Variants in TFIP11 observed in about 807,000 individuals in gnomAD.
TFIP11 encodes the protein tuftelin-interacting protein 11.
In TFIP11, 86 loss-of-function variants were observed where a neutral mutation model predicts 96.8. The ratio of observed to expected loss-of-function variants is 0.89; its 90% CI spans 0.75 to 1.06. The LOEUF (loss-of-function observed/expected upper bound fraction) is 1.06. Ranked by LOEUF, TFIP11 falls within the 50% of genes least tolerant of loss-of-function variation. The pLI is 0.00. For synonymous variants in TFIP11, 405 were observed against 395.2 expected (o/e 1.02, Z -0.29); for missense variants, 881 against 1,076.7 (o/e 0.82, Z 2.54).
At position 26,504,237 on chromosome 22, in the gene TFIP11, A is replaced by G. The variant is rs563446946; in HGVS notation, c.521-444T>C. ...AGACTCCTCACATATTTTACTTAGG[A>G]GTTCCTATCTCCTGTGTTTAACTTT... On this transcript the variant is annotated intron_variant, in intron 6 of 14. Transcript: ENST00000407690. Among the ~76,000 whole-genome samples the G allele has an allele frequency of 4.6e-5, 7 of 152,352 alleles. No homozygotes were observed. In the South Asian group the frequency reaches 1.0e-3, roughly 23 times the overall value.
chr22:26,496,783 T>A lies in TFIP11; in HGVS notation c.1543A>T (p.Ile515Phe), dbSNP rs764680398. ...ATGTTATCTAAGATCCACACAGGAA[T>A]AATGTGCACCCAACTATCCAAAAAG... ...VDFLDSWVHIIPVWILDNILD... is the reference protein window; with the variant it reads ...VDFLDSWVHIFPVWILDNILD... The change falls in exon 11 of 15, where the codon ATT becomes TTT. Residue 515 changes from isoleucine to phenylalanine, a missense_variant. Physicochemically the swap from Ile to Phe is conservative, Grantham distance 21 (BLOSUM62 0). Coordinates refer to ENST00000407690, the MANE Select transcript of TFIP11 (RefSeq NM_012143.4). 68 of 1,614,068 alleles carry A rather than the reference T, an allele frequency of 4.2e-5. 1 individual carries two copies. The Admixed American group carries it at 1.1e-3, about 27-fold the overall frequency.
intron 12 of TFIP11, 51 bp downstream of exon 12, chr22:26,496,022 A>G (rs1314042308): frequency 2.5e-6 from 4 of 1,592,502 alleles, no homozygotes; most frequent in South Asian, 2.3e-5. Context: ...AACCACAGAA[A>G]CCAGGGCACC....
intron 4 of TFIP11, among the ~76,000 whole-genome samples, chr22:26,508,520 G>A (rs891786994): frequency 6.6e-6 from 1 of 152,144 alleles, no homozygotes; most frequent in Non-Finnish European, 1.5e-5. Flanking sequence ...GAGAAGTTTG[G>A]ACTAATCTCT....
chr22:26,497,151 C>A (rs1248390863), intron 10 of TFIP11, among the ~76,000 whole-genome samples: 1 of 152,166 alleles, frequency 6.6e-6, no homozygotes, highest in Non-Finnish European at 1.5e-5. Context: ...GTCACAAGGG[C>A]CTCTTCCCAG....
chr22:26,501,937 T>C lies in TFIP11; in HGVS notation c.764A>G (p.Lys255Arg). Residue 255 changes from lysine to arginine, a missense_variant, in exon 8 of 15, where the codon AAG becomes AGG. Lys to Arg is a conservative substitution (Grantham distance 26). Coordinates refer to ENST00000407690, the MANE Select transcript of TFIP11 (RefSeq NM_012143.4). ...ELKAKGRISK[K>R]LTAPQKELSQ... ...AAGTTCCTTCTGGGGAGCAGTGAGC[T>C]TCTTGCTAATCCTGCCCTTGGCCTT... 1 of 1,613,930 alleles carries C rather than the reference T, an allele frequency of 6.2e-7. No homozygotes were observed. Among genetic ancestry groups the C allele is most frequent in the Non-Finnish European group, 8.5e-7 (1 of 1,179,970 alleles).
chr22:26,505,059 A>G (rs1441303180), intron 6 of TFIP11, among the ~76,000 whole-genome samples: 1 of 152,180 alleles, frequency 6.6e-6, no homozygotes, highest in African/African-American at 2.4e-5. Flanking sequence ...TCTGGGTGAC[A>G]AGAGTGAAAT....
rs1164308350 is a variant in TFIP11 at position 26,493,956 on chromosome 22, G to A, written c.2158+183C>T. ...GCCCCTCTCAGTCATGGTAGACCTG[G>A]GCAGTGGGTGCCAGCTGACCATGTA... On this transcript the variant is annotated intron_variant, in intron 14 of 14. Coordinates refer to ENST00000407690, the MANE Select transcript of TFIP11 (RefSeq NM_012143.4). 30 of 609,056 alleles carry A rather than the reference G, an allele frequency of 4.9e-5. No individual in the cohort carries two copies. The South Asian group carries it at 5.8e-4, about 12-fold the overall frequency. The allele number at this position is 609,056 out of a possible 1,614,324, so 37.7% of individuals were successfully genotyped here.
intron 8 of TFIP11, 88 bp from the exon 9 acceptor site, chr22:26,499,719 G>C: frequency 6.7e-6 from 9 of 1,346,466 alleles, no homozygotes; most frequent in Non-Finnish European, 7.1e-6. Context: ...CATGACAGGG[G>C]AAGTGTGTAG....
rs139990352 is a variant in TFIP11, at chr22:26,506,877, T to C, written c.261A>G (p.Lys87=). Residue 87 remains lysine, a synonymous_variant, in exon 5 of 15, where the codon AAA becomes AAG. Coordinates refer to ENST00000407690, the MANE Select transcript of TFIP11 (RefSeq NM_012143.4). ...PVNFISAGLK[K]GAAEEAELED... ...CCAACTCTGCCTCCTCCGCTGCCCC[T>C]TTCTTGAGCCCTGCGCTGATGAAGT... is the stretch of plus-strand genomic sequence containing the variant. The C allele has an allele frequency of 7.3e-5, 118 of 1,614,184 alleles. No homozygotes were observed. In the African/African-American group the frequency reaches 1.4e-3, roughly 19 times the overall value.
chr22:26,511,292 T>A (rs1924025506), intron 2 of TFIP11: 1 of 152,224 alleles, frequency 6.6e-6, no homozygotes, highest in Non-Finnish European at 1.5e-5. Context: ...TTTTTCTGCC[T>A]GCTTATATTC....
intron 2 of TFIP11, among the ~76,000 whole-genome samples, chr22:26,510,904 T>C (rs774488417): frequency 6.6e-6 from 1 of 152,194 alleles, no homozygotes; most frequent in Non-Finnish European, 1.5e-5. Flanking sequence ...CAGATTCAGT[T>C]GTCTTTCTTA....
rs150268332 is a variant in TFIP11 at position 26,495,260 on chromosome 22, C to CTTTTTT, written c.1850-327_1850-322dup. On this transcript the variant is annotated intron_variant, in intron 12 of 14. Transcript: ENST00000407690. ...TACAGGCATAAGTCACAACTCCTGG[C>CTTTTTT]TTTTTTTTTTTTTTTTTTTTTTTTT... Among the ~76,000 whole-genome samples the CTTTTTT allele has an allele frequency of 1.3e-3, 79 of 59,188 alleles. 6 individuals are homozygous for CTTTTTT. Among genetic ancestry groups the CTTTTTT allele is most frequent in the African/African-American group, 3.1e-3 (42 of 13,528 alleles). The allele number at this position is 59,188 out of a possible 152,430, so 38.8% of individuals were successfully genotyped here.
rs1369514935 is a variant in TFIP11 at position 26,506,426 on chromosome 22, C to T, written c.397G>A (p.Ala133Thr). Residue 133 changes from alanine (A) to threonine (T), a missense_variant, in exon 6 of 15, where the codon GCA becomes ACA. Ala to Thr is a moderately conservative substitution (Grantham distance 58). Transcript: ENST00000407690. ...TCCATGAAAGATTTGGTTCCTCCTG[C>T]AAAACCTTTCTGGCTGGGCTTAAAA... ...GNFKPSQKGF[A>T]GGTKSFMDFG... The T allele has an allele frequency of 1.2e-6, 2 of 1,613,054 alleles. No homozygotes were observed. Among genetic ancestry groups the T allele is most frequent in the East Asian group, 4.5e-5 (2 of 44,886 alleles).
In TFIP11 at chr22:26,503,642, C is replaced by T. The variant is rs770767210; in HGVS notation, c.648+24G>A. 6 of 1,612,768 alleles carry T rather than the reference C, an allele frequency of 3.7e-6. No homozygotes were observed. In the East Asian group the frequency reaches 1.1e-4, roughly 30 times the overall value. Reference sequence around the variant, plus strand: ...TAGAAATGGACAGGACACCATCCACCCATGTCTCCTGACTTCCAGTTACCT... The same window carrying T: ...TAGAAATGGACAGGACACCATCCACTCATGTCTCCTGACTTCCAGTTACCT... On this transcript the variant is annotated intron_variant, in intron 7 of 14. Coordinates refer to ENST00000407690, the MANE Select transcript of TFIP11 (RefSeq NM_012143.4).
At position 26,499,101 on chromosome 22, in the gene TFIP11, C is replaced by A; in HGVS notation, c.1329+3G>T. 1 of 1,589,058 alleles carries A rather than the reference C, an allele frequency of 6.3e-7. No homozygotes were observed. The highest frequency in any genetic ancestry group is 1.1e-5 in the South Asian group (1 of 88,052). On this transcript the variant is annotated splice_donor_region_variant and intron_variant, in intron 9 of 14. Transcript: ENST00000407690. ...GGATAGGTTGATTTTCCCAGCAACT[C>A]ACTTTGAGGGGATCCCACTCCTTGA...
At chr22:26,501,785 C>CAA (rs371327421) in intron 8 of TFIP11, 115 bp downstream of exon 8, 407 of 261,256 alleles carry the variant, frequency 1.6e-3, no homozygotes, top group African/African-American at 3.9e-3. Context: ...AGCAAGGTAC[C>CAA]AAAAAAAAAA....
At chr22:26,495,124 A>T (rs971855084) in intron 12 of TFIP11, among the ~76,000 whole-genome samples, 185 bp from the exon 13 acceptor site, 3 of 151,652 alleles carry the variant, frequency 2.0e-5, no homozygotes, top group African/African-American at 7.3e-5. Flanking sequence ...ACCGTGGCCA[A>T]CTAATTTTTG....
chr22:26,492,435 C>T, intron 14 of TFIP11, 67 bp from the exon 15 acceptor site: 5 of 1,484,784 alleles, frequency 3.4e-6, no homozygotes, highest in Non-Finnish European at 4.6e-6. Flanking sequence ...GACACTGTGG[C>T]TTGGCCCAGG....
chr22:26,495,933 T>C (rs866128429), intron 12 of TFIP11, 140 bp downstream of exon 12: 1 of 1,301,036 alleles, frequency 7.7e-7, no homozygotes, highest in Non-Finnish European at 1.0e-6. Context: ...GAACAAAATG[T>C]TACCTTTTTC....
Sources: gnomAD v4.1 joint callset for allele counts (sites outside exome capture counted in the v4.1 genomes callset) on GRCh38, gnomAD v4.1.1 for gene constraint, MANE v1.5 for transcripts, NCBI Gene and HGNC (gene_info 2026-07-23, HGNC 2026-07-21) for gene names.